Variants in CEP128 observed in about 807,000 individuals in gnomAD.
The protein encoded by CEP128 is centrosomal protein 128kDa.
Under a neutral mutation model 156.7 loss-of-function variants are expected in CEP128, and 132 were observed. That is an observed-to-expected ratio of 0.84 (90% CI 0.73 to 0.97). The LOEUF is 0.97. CEP128 is among the 50% of genes least tolerant of loss of function. The pLI is 0.00. For synonymous variants in CEP128, 469 were observed against 448.9 expected (o/e 1.04, Z -0.57); for missense variants, 1,252 against 1,281.9 (o/e 0.98, Z 0.36).
chr14:80,491,969 C>A (rs1887339392), downstream of CEP128, among the ~76,000 whole-genome samples: 1 of 152,182 alleles, frequency 6.6e-6, no homozygotes, highest in Non-Finnish European at 1.5e-5. Context: ...CCTTATCCAG[C>A]TAAGTGCTGA....
chr14:80,669,023 A>C (rs972919915), intron 19 of CEP128, among the ~76,000 whole-genome samples: 11 of 152,190 alleles, frequency 7.2e-5, no homozygotes, highest in Non-Finnish European at 1.2e-4. Flanking sequence ...TTTTCTTTAT[A>C]AATTACCCAG....
chr14:80,503,928 A>AT (rs1887853206), intron 24 of CEP128, among the ~76,000 whole-genome samples: 1 of 152,218 alleles, frequency 6.6e-6, no homozygotes. Context: ...ATCCATGAAT[A>AT]TAAACCAGCA....
intron 21 of CEP128, among the ~76,000 whole-genome samples, chr14:80,553,849 A>G (rs544306499): frequency 6.6e-6 from 1 of 152,242 alleles, no homozygotes; most frequent in Non-Finnish European, 1.5e-5. Context: ...AAACAAGAAC[A>G]GTATTTGCAA....
intron 22 of CEP128, among the ~76,000 whole-genome samples, chr14:80,529,367 G>T (rs1566759672): frequency 6.6e-6 from 1 of 152,186 alleles, no homozygotes; most frequent in Non-Finnish European, 1.5e-5. Context: ...GAGTCTGTAT[G>T]TATATGAGCT....
intron 19 of CEP128, among the ~76,000 whole-genome samples, chr14:80,616,124 A>T (rs774333470): frequency 1.3e-5 from 2 of 152,246 alleles, no homozygotes; most frequent in African/African-American, 2.4e-5. Flanking sequence ...TCTTGCTGAT[A>T]GACAGCTGCG....
intron 19 of CEP128, among the ~76,000 whole-genome samples, chr14:80,625,356 T>C (rs913526128): frequency 1.3e-5 from 2 of 152,192 alleles, no homozygotes; most frequent in African/African-American, 2.4e-5. Flanking sequence ...TGTAGCTTTG[T>C]GGTATATTTT....
chr14:80,830,195 A>G (rs1200282566), intron 13 of CEP128: 1 of 619,152 alleles, frequency 1.6e-6, no homozygotes. Context: ...TTAAACATGT[A>G]GAGGGCTTTG....
intron 19 of CEP128, among the ~76,000 whole-genome samples, chr14:80,612,397 C>G (rs1893028706): frequency 6.6e-6 from 1 of 152,156 alleles, no homozygotes; most frequent in South Asian, 2.1e-4. Context: ...TGAACAAATA[C>G]AATGACCGTG....
chr14:80,582,983 G>A (rs1891654169), intron 19 of CEP128, among the ~76,000 whole-genome samples: 1 of 152,130 alleles, frequency 6.6e-6, no homozygotes, highest in Non-Finnish European at 1.5e-5. Context: ...AGTATGGCAA[G>A]TCCAAACTCC....
rs1172024947 is a variant in CEP128 at position 80,617,770 on chromosome 14, G to A, written c.2807-37347C>T. Among the ~76,000 whole-genome samples the A allele has an allele frequency of 2.6e-5, 4 of 152,178 alleles. 1 individual carries two copies. Among genetic ancestry groups the A allele is most frequent in the East Asian group, 1.9e-4 (1 of 5,144 alleles). ...CAGCCTGGGCAACATGGTGAGACCC[G>A]CCTGGGCAACATGGCGAGACCCTGT... On this transcript the variant is annotated intron_variant, in intron 19 of 24. Transcript: ENST00000555265.
chr14:80,625,760 C>T (rs1342886450), intron 19 of CEP128, among the ~76,000 whole-genome samples: 1 of 151,402 alleles, frequency 6.6e-6, no homozygotes, highest in Non-Finnish European at 1.5e-5. Flanking sequence ...ATTTCTCTTT[C>T]TTTCCCTCTC....
At chr14:80,819,465 T>C (rs931492391) in intron 13 of CEP128, among the ~76,000 whole-genome samples, 10 of 151,830 alleles carry the variant, frequency 6.6e-5, no homozygotes, top group Non-Finnish European at 1.3e-4. Context: ...CCAGGATGGT[T>C]TCGATCTCCT....
intron 2 of CEP128, among the ~76,000 whole-genome samples, chr14:80,938,204 A>G (rs1885929490): frequency 6.6e-6 from 1 of 150,882 alleles, no homozygotes; most frequent in African/African-American, 2.4e-5. Flanking sequence ...GCCTAATCCT[A>G]TAAATTTTGT....
intron 22 of CEP128, 169 bp from the exon 23 acceptor site, chr14:80,527,151 A>C: frequency 1.8e-6 from 1 of 562,054 alleles, no homozygotes; most frequent in Non-Finnish European, 3.2e-6. Context: ...GAAGAAGGCT[A>C]CACACAGTGG....
intron 18 of CEP128, among the ~76,000 whole-genome samples, chr14:80,748,690 G>A (rs1297914226): frequency 6.6e-6 from 1 of 152,164 alleles, no homozygotes; most frequent in Non-Finnish European, 1.5e-5. Context: ...TGTGAGACAG[G>A]CTTTAGGTGT....
intron 13 of CEP128, chr14:80,830,179 T>C (rs1228768469): frequency 3.6e-6 from 2 of 557,764 alleles, no homozygotes; most frequent in African/African-American, 3.8e-5. Flanking sequence ...TTCAAGTAAG[T>C]CTTTATTAAA....
At chr14:80,852,848 C>T (rs376765669) in intron 9 of CEP128, among the ~76,000 whole-genome samples, 4 of 151,760 alleles carry the variant, frequency 2.6e-5, no homozygotes, top group South Asian at 4.2e-4. Flanking sequence ...AAACCAAAAA[C>T]GTCAGTGCAA....
chr14:80,729,258 C>G (rs1898169516), intron 19 of CEP128, among the ~76,000 whole-genome samples: 1 of 151,668 alleles, frequency 6.6e-6, no homozygotes, highest in South Asian at 2.1e-4. Flanking sequence ...TGAGAACATA[C>G]AATGTTTGCT....
intron 2 of CEP128, among the ~76,000 whole-genome samples, chr14:80,950,779 A>G (rs990044180): frequency 2.0e-5 from 3 of 152,052 alleles, no homozygotes; most frequent in Admixed American, 6.6e-5. Flanking sequence ...GATGAAAACC[A>G]TAAACACACA....
Sources: allele counts gnomAD v4.1 joint callset (sites outside exome capture counted in the v4.1 genomes callset), GRCh38; gene constraint gnomAD v4.1.1; transcripts MANE v1.5; gene names NCBI Gene and HGNC (gene_info 2026-07-23, HGNC 2026-07-21).